The following SGCG variants were observed in gnomAD, a reference collection of about 807,000 sequenced individuals.
SGCG encodes gamma-sarcoglycan.
Under a neutral mutation model 29.3 loss-of-function variants are expected in SGCG, and 26 were observed. That is an observed-to-expected ratio of 0.89 (90% CI 0.65 to 1.23). The LOEUF is 1.23. SGCG is among the 50% of genes most tolerant of loss of function. The probability of loss-of-function intolerance (pLI) is 0.00; values close to 1 mark genes in which losing one functional copy is unlikely to be tolerated. For missense variants in SGCG, 353 were observed against 356.0 expected (o/e 0.99, Z 0.07); for synonymous variants, 145 against 129.7 (o/e 1.12, Z -0.80).
chr13:23,309,860 C>G (rs770112537), intron 6 of SGCG, among the ~76,000 whole-genome samples: 1 of 152,070 alleles, frequency 6.6e-6, no homozygotes, highest in Non-Finnish European at 1.5e-5. Flanking sequence ...AAGTTTTGTA[C>G]ATCTTCAGGT....
intron 3 of SGCG, among the ~76,000 whole-genome samples, chr13:23,247,851 T>C (rs9510651): frequency 0.027 from 3,949 of 148,584 alleles, 81 homozygotes; most frequent in Non-Finnish European, 0.046. Context: ...CTTGGGAGGC[T>C]GAGGTGGGAG....
Position 23,310,350 on chromosome 13 carries a change from T to C in SGCG, c.579-10287T>C, listed in dbSNP as rs1882544305. Among the ~76,000 whole-genome samples, 4 of 152,238 alleles carry C rather than the reference T, an allele frequency of 2.6e-5. No individual in the cohort carries two copies. The South Asian group carries it at 8.3e-4, about 32-fold the overall frequency. On this transcript the variant is annotated intron_variant, in intron 6 of 7. Coordinates refer to ENST00000218867, the MANE Select transcript of SGCG (RefSeq NM_000231.3). The stretch of plus-strand genomic sequence containing the variant: ...ATCTGCCCGCCTCGGCCTCCCAAAG[T>C]GCTGGGATTACAGGCGTGAGCCACC...
chr13:23,260,614 T>C (rs7399929), intron 4 of SGCG, among the ~76,000 whole-genome samples: 9,065 of 152,236 alleles, frequency 0.06, 384 homozygotes, highest in Middle Eastern at 0.092. Flanking sequence ...ATTTTGCCCA[T>C]TAGTTGATGC....
chr13:23,287,341 A>G (rs1418952422), intron 5 of SGCG, among the ~76,000 whole-genome samples: 1 of 152,202 alleles, frequency 6.6e-6, no homozygotes, highest in East Asian at 1.9e-4. Context: ...CTAGAAAGGG[A>G]AAGAGGCCCT....
intron 2 of SGCG, among the ~76,000 whole-genome samples, chr13:23,227,662 C>A: frequency 6.6e-6 from 1 of 152,250 alleles, no homozygotes; most frequent in Non-Finnish European, 1.5e-5. Flanking sequence ...TGAAAGAAGC[C>A]TATCTGGAAA....
At chr13:23,287,740 T>TTTTGTTTGTTTGTTTG (rs60329567) in intron 5 of SGCG, among the ~76,000 whole-genome samples, 3 of 150,964 alleles carry the variant, frequency 2.0e-5, no homozygotes, top group African/African-American at 7.3e-5. Context: ...GACCAGGGTT[T>TTTTGTTTGTTTGTTTG]TTTGTTTGTT....
chr13:23,208,493 G>A (rs1309769825), intron 2 of SGCG, among the ~76,000 whole-genome samples: 1 of 152,080 alleles, frequency 6.6e-6, no homozygotes, highest in African/African-American at 2.4e-5. Flanking sequence ...AAAGAGAGAA[G>A]ACTAGAGCAA....
chr13:23,224,316 C>T (rs1332541751), intron 2 of SGCG, among the ~76,000 whole-genome samples: 1 of 152,230 alleles, frequency 6.6e-6, no homozygotes, highest in Non-Finnish European at 1.5e-5. Flanking sequence ...TCCCATTCCA[C>T]ACTGTTCTCT....
the SGCG span, among the ~76,000 whole-genome samples, chr13:23,169,645 C>T: frequency 2.0e-4 from 30 of 151,630 alleles, no homozygotes; most frequent in Non-Finnish European, 4.3e-4. Flanking sequence ...TGCCACTGCA[C>T]TCCAGCCCAG....
intron 3 of SGCG, chr13:23,246,785 C>A: frequency 4.8e-6 from 1 of 209,482 alleles, no homozygotes; most frequent in East Asian, 1.1e-4. Context: ...CCATGATGAT[C>A]CACTGCCGAG....
At chr13:23,316,575 C>G (rs1037362955) in intron 6 of SGCG, among the ~76,000 whole-genome samples, 1 of 152,188 alleles carries the variant, frequency 6.6e-6, no homozygotes, top group Non-Finnish European at 1.5e-5. Flanking sequence ...GCCGTGTATG[C>G]TCTGAATCAG....
At chr13:23,223,859 G>C (rs4238168) in intron 2 of SGCG, among the ~76,000 whole-genome samples, 2 of 151,906 alleles carry the variant, frequency 1.3e-5, no homozygotes, top group South Asian at 4.2e-4. Context: ...CCAGCTACTC[G>C]GGAGGCTGAG....
At chr13:23,317,946 T>C (rs2137522915) in intron 6 of SGCG, among the ~76,000 whole-genome samples, 1 of 152,234 alleles carries the variant, frequency 6.6e-6, no homozygotes, top group South Asian at 2.1e-4. Flanking sequence ...GACCCACCCT[T>C]AATTGGGTGG....
At chr13:23,290,257 A>G (rs900533132) in intron 5 of SGCG, among the ~76,000 whole-genome samples, 5 of 152,176 alleles carry the variant, frequency 3.3e-5, no homozygotes, top group Admixed American at 2.0e-4. Flanking sequence ...CATGTCAGCT[A>G]TTGGGCATGT....
chr13:23,286,463 T>C (rs1881500220), intron 5 of SGCG, among the ~76,000 whole-genome samples: 1 of 152,220 alleles, frequency 6.6e-6, no homozygotes, highest in Non-Finnish European at 1.5e-5. Context: ...ACAAGATTAA[T>C]ATTCACTCTT....
At position 23,279,476 on chromosome 13, in the gene SGCG, C is replaced by A. The variant is rs1317594969; in HGVS notation, c.503C>A (p.Thr168Asn). 3 of 1,612,568 alleles carry A rather than the reference C, an allele frequency of 1.9e-6. No individual in the cohort carries two copies. Among genetic ancestry groups the A allele is most frequent in the Non-Finnish European group, 2.5e-6 (3 of 1,179,048 alleles). Residue 168 changes from threonine (T) to asparagine (N), a missense_variant and splice_region_variant, in exon 5 of 8, where the codon ACT (threonine) becomes AAT (asparagine). By Grantham distance (65) the Thr-to-Asn change is moderately conservative. Transcript: ENST00000218867. ...GTTGGTACAGATAAACTTCGAGTAACTGGTATGTACTAACTCGAGAAAAAC... is the reference window on the plus strand; with the variant it reads ...GTTGGTACAGATAAACTTCGAGTAAATGGTATGTACTAACTCGAGAAAAAC... ...VVVGTDKLRV[T>N]GPEGALFEHS...
chr13:23,316,366 C>G (rs1882810196), intron 6 of SGCG, among the ~76,000 whole-genome samples: 2 of 152,214 alleles, frequency 1.3e-5, no homozygotes, highest in Non-Finnish European at 2.9e-5. Context: ...ACAGCATTGC[C>G]TCTGATCAAG....
At chr13:23,306,028 T>TA (rs1882347703) in intron 6 of SGCG, among the ~76,000 whole-genome samples, 1 of 151,616 alleles carries the variant, frequency 6.6e-6, no homozygotes, top group Non-Finnish European at 1.5e-5. Flanking sequence ...GCACTACAAT[T>TA]ATTATTATTA....
chr13:23,278,569 G>A (rs1364219881), intron 4 of SGCG, among the ~76,000 whole-genome samples: 2 of 152,152 alleles, frequency 1.3e-5, no homozygotes, highest in African/African-American at 4.8e-5. Flanking sequence ...AGAAAGTGTG[G>A]AAGCATCAAA....
Sources: gnomAD v4.1 joint callset for allele counts (sites outside exome capture counted in the v4.1 genomes callset) on GRCh38, gnomAD v4.1.1 for gene constraint, MANE v1.5 for transcripts, NCBI Gene and HGNC (gene_info 2026-07-23, HGNC 2026-07-21) for gene names.